Variants in GRID2 observed in about 807,000 individuals in gnomAD.
The protein encoded by GRID2 is glutamate ionotropic receptor delta type subunit 2.
Under a neutral mutation model 114.8 loss-of-function variants are expected in GRID2, and 33 were observed. That is an observed-to-expected ratio of 0.29 (90% CI 0.22 to 0.38). The LOEUF is 0.38. GRID2 is among the 10% of genes least tolerant of loss of function. The probability of loss-of-function intolerance (pLI) is 1.00; values close to 1 mark genes in which losing one functional copy is unlikely to be tolerated. For synonymous variants in GRID2, 505 were observed against 449.9 expected, an observed-to-expected ratio of 1.12 and a Z score of -1.55; for missense variants, 1,184 against 1,257.7, an observed-to-expected ratio of 0.94 and a Z score of 0.89.
In GRID2 at chr4:92,684,685, C is replaced by CATG. The variant is rs1733815039; in HGVS notation, c.244+94400_244+94402dup. On this transcript the variant is annotated intron_variant, in intron 2 of 15. Transcript: ENST00000282020. The stretch of plus-strand genomic sequence containing the variant: ...TAACTACTAATGTCTGTGAACAAGA[C>CATG]ATGTATATTGCCACACATTACCTGA... Among the ~76,000 whole-genome samples, 8 of 152,050 alleles carry CATG rather than the reference C, an allele frequency of 5.3e-5. No individual in the cohort carries two copies. The South Asian group carries it at 1.2e-3, about 24-fold the overall frequency.
intron 2 of GRID2, among the ~76,000 whole-genome samples, chr4:92,928,229 C>T (rs1449754693): frequency 6.6e-6 from 1 of 151,576 alleles, no homozygotes; most frequent in African/African-American, 2.4e-5. Flanking sequence ...AGACCAATTG[C>T]TTCAGCAACA....
intron 7 of GRID2, among the ~76,000 whole-genome samples, chr4:93,225,384 A>G (rs1322769344): frequency 6.6e-6 from 1 of 152,168 alleles, no homozygotes; most frequent in Non-Finnish European, 1.5e-5. Flanking sequence ...TCTCAGTGGT[A>G]TAAGCATTCT....
intron 13 of GRID2, among the ~76,000 whole-genome samples, chr4:93,619,987 A>G (rs1372944789): frequency 6.6e-6 from 1 of 152,238 alleles, no homozygotes; most frequent in Non-Finnish European, 1.5e-5. Context: ...ATGTAGTGCA[A>G]AGAGCATAGG....
chr4:92,733,163 A>G (rs971803130), intron 2 of GRID2, among the ~76,000 whole-genome samples: 1 of 152,088 alleles, frequency 6.6e-6, no homozygotes, highest in Non-Finnish European at 1.5e-5. Flanking sequence ...GAGACAAGAG[A>G]AAACATTGCT....
chr4:93,747,771 A>C (rs1342318267), intron 14 of GRID2, among the ~76,000 whole-genome samples: 1 of 152,134 alleles, frequency 6.6e-6, no homozygotes, highest in African/African-American at 2.4e-5. Flanking sequence ...ATTTGACAGA[A>C]AAATCAATGT....
At chr4:92,353,456 A>G (rs1338084265) in intron 1 of GRID2, among the ~76,000 whole-genome samples, 1 of 151,912 alleles carries the variant, frequency 6.6e-6, no homozygotes, top group Admixed American at 6.6e-5. Flanking sequence ...GTAACTGTGG[A>G]GATTAAATTC....
At chr4:92,519,754 G>T in intron 1 of GRID2, among the ~76,000 whole-genome samples, 1 of 151,838 alleles carries the variant, frequency 6.6e-6, no homozygotes, top group East Asian at 2.0e-4. Flanking sequence ...GTTTCAGTCT[G>T]AGTCCAAAGG....
intron 8 of GRID2, among the ~76,000 whole-genome samples, chr4:93,254,226 G>T (rs1749315702): frequency 6.6e-6 from 1 of 151,646 alleles, no homozygotes; most frequent in Non-Finnish European, 1.5e-5. Flanking sequence ...CACTTTTCAG[G>T]GTTATTAAAT....
chr4:92,976,120 G>A (rs973903421), intron 2 of GRID2, among the ~76,000 whole-genome samples: 5 of 151,778 alleles, frequency 3.3e-5, no homozygotes, highest in African/African-American at 1.2e-4. Flanking sequence ...CTCAATCATA[G>A]ACTGTTGATT....
intron 8 of GRID2, among the ~76,000 whole-genome samples, chr4:93,354,001 AT>A (rs1352289532): frequency 6.8e-6 from 1 of 148,128 alleles, no homozygotes; most frequent in East Asian, 1.9e-4. Flanking sequence ...TATTGAATAA[AT>A]GTACACACAA....
chr4:93,403,075 T>A (rs1201232906), intron 9 of GRID2, among the ~76,000 whole-genome samples: 1 of 152,084 alleles, frequency 6.6e-6, no homozygotes, highest in Admixed American at 6.6e-5. Context: ...AGCAAGGAGT[T>A]GGGAAGAGAG....
At chr4:93,455,527 C>T in intron 10 of GRID2, 135 bp from the exon 11 acceptor site, 1 of 621,926 alleles carries the variant, frequency 1.6e-6, no homozygotes, top group Non-Finnish European at 2.9e-6. Flanking sequence ...GAAGTCTATG[C>T]AGTGTTTCAG....
At chr4:92,921,814 A>T (rs1026423455) in intron 2 of GRID2, among the ~76,000 whole-genome samples, 2 of 152,214 alleles carry the variant, frequency 1.3e-5, no homozygotes, top group Non-Finnish European at 1.5e-5. Flanking sequence ...TTGAGGAGGC[A>T]GTCTGTCTGT....
At chr4:92,955,962 G>A (rs895647656) in intron 2 of GRID2, among the ~76,000 whole-genome samples, 2 of 152,036 alleles carry the variant, frequency 1.3e-5, no homozygotes, top group Admixed American at 6.6e-5. Context: ...CTCGTGATCT[G>A]CCCACTTCGG....
chr4:93,443,600 G>A (rs966834868), intron 10 of GRID2, among the ~76,000 whole-genome samples: 12 of 151,928 alleles, frequency 7.9e-5, no homozygotes, highest in African/African-American at 2.9e-4. Context: ...TCTTAGATTT[G>A]GCCTCAGCGA....
chr4:93,159,359 A>AAAGCAACATAAGATTATTGT (rs1372179897), intron 4 of GRID2, among the ~76,000 whole-genome samples: 4 of 151,810 alleles, frequency 2.6e-5, no homozygotes, highest in African/African-American at 4.8e-5. Flanking sequence ...AGTGCTGAGA[A>AAAGCAACATAAGATTATTGT]AAGCAACATA....
intron 1 of GRID2, among the ~76,000 whole-genome samples, chr4:92,395,040 TA>T (rs1408694977): frequency 6.6e-6 from 1 of 151,582 alleles, no homozygotes; most frequent in Non-Finnish European, 1.5e-5. Context: ...ACTAACACAT[TA>T]AAATTACCAA....
At chr4:93,196,808 G>A (rs920650019) in intron 4 of GRID2, among the ~76,000 whole-genome samples, 2 of 152,022 alleles carry the variant, frequency 1.3e-5, no homozygotes, top group African/African-American at 4.8e-5. Context: ...GGTGGCAATG[G>A]GAAGTTTCGT....
intron 1 of GRID2, among the ~76,000 whole-genome samples, chr4:92,568,597 G>T (rs1330857916): frequency 2.0e-5 from 3 of 151,914 alleles, no homozygotes; most frequent in Non-Finnish European, 4.4e-5. Flanking sequence ...TCAAGTTCAG[G>T]GGTACATGTG....
Sources: gnomAD v4.1 joint callset for allele counts (sites outside exome capture counted in the v4.1 genomes callset) on GRCh38, gnomAD v4.1.1 for gene constraint, MANE v1.5 for transcripts, NCBI Gene and HGNC (gene_info 2026-07-23, HGNC 2026-07-21) for gene names.